The following SEC31A variants were observed in gnomAD, a reference collection of about 807,000 sequenced individuals.
The protein encoded by SEC31A is SEC31 homolog A, COPII component.
A neutral mutation model predicts 151.0 loss-of-function variants in SEC31A; 70 were observed. The observed-to-expected ratio is 0.46, with a 90% CI of 0.38 to 0.57. The LOEUF is 0.57. Among genes scored for constraint, SEC31A ranks in the 20% least tolerant of loss-of-function variants. SEC31A has a pLI of 0.00. For missense variants in SEC31A, 1,330 were observed against 1,471.2 expected (o/e 0.90, Z 1.57); for synonymous variants, 475 against 505.9 (o/e 0.94, Z 0.82).
rs138120291 is a variant in SEC31A at position 82,837,158 on chromosome 4, CATATATAT to C, written c.2968+4974_2968+4981del. ...CAAACATGGTTAAAATAAATTTTAT[CATATATAT>C]ATATATATATATATATATATATATA... On this transcript the variant is annotated intron_variant, in intron 22 of 26. Transcript: ENST00000395310. 7.7e-4 allele frequency among the ~76,000 whole-genome samples: 33 copies of C among 42,674 alleles called. 1 individual carries two copies. Among genetic ancestry groups the C allele is most frequent in the East Asian group, 4.3e-3 (6 of 1,410 alleles). The allele number at this position is 42,674 out of a possible 152,430, so 28.0% of individuals were successfully genotyped here.
intron 1 of SEC31A, among the ~76,000 whole-genome samples, chr4:82,889,790 A>G (rs1253462605): frequency 6.6e-6 from 1 of 152,206 alleles, no homozygotes; most frequent in Non-Finnish European, 1.5e-5. Context: ...TTTCACAAAT[A>G]ACCGCGGACG....
At chr4:82,840,669 C>A (rs969427891) in intron 22 of SEC31A, among the ~76,000 whole-genome samples, 4 of 152,144 alleles carry the variant, frequency 2.6e-5, no homozygotes, top group African/African-American at 7.2e-5. Context: ...TATAGCCCAC[C>A]ACACACCTAG....
intron 19 of SEC31A, among the ~76,000 whole-genome samples, chr4:82,849,613 C>CAAAAAAA (rs5859835): frequency 9.1e-6 from 1 of 109,704 alleles, no homozygotes; most frequent in African/African-American, 3.7e-5. Flanking sequence ...GAATCCGTCT[C>CAAAAAAA]AAAAAAAAAA....
chr4:82,845,138 A>G (rs1729773913), intron 20 of SEC31A: 1 of 1,090,054 alleles, frequency 9.2e-7, no homozygotes, highest in Non-Finnish European at 1.3e-6. Context: ...GTAAGTAGAG[A>G]ACATATAACT....
intron 23 of SEC31A, among the ~76,000 whole-genome samples, chr4:82,828,159 C>T (rs1311457684): frequency 3.3e-5 from 5 of 152,062 alleles, no homozygotes; most frequent in South Asian, 2.1e-4. Context: ...GTGATCTGCC[C>T]GCCTCAGTCT....
intron 25 of SEC31A, among the ~76,000 whole-genome samples, chr4:82,823,013 A>G (rs987787444): frequency 6.6e-6 from 1 of 152,136 alleles, no homozygotes; most frequent in Non-Finnish European, 1.5e-5. Flanking sequence ...TCTAGCTACA[A>G]ACAGGAGCCC....
intron 20 of SEC31A, among the ~76,000 whole-genome samples, chr4:82,846,366 C>CATCATCATCATA (rs1553928443): frequency 5.0e-5 from 7 of 140,546 alleles, no homozygotes; most frequent in Admixed American, 1.4e-4. Context: ...AACTCCAAAA[C>CATCATCATCATA]ATAATAATAA....
Position 82,851,583 on chromosome 4 carries a change from T to G in SEC31A, c.2176A>C (p.Ile726Leu). Residue 726 changes from isoleucine (I) to leucine (L), a missense_variant, in exon 19 of 27, where the codon ATC (isoleucine) becomes CTC (leucine). By Grantham distance (5) the Ile-to-Leu change is conservative (BLOSUM62 2). Coordinates refer to ENST00000395310, the MANE Select transcript of SEC31A (RefSeq NM_001077207.4). ...SLQDLIEKVV[I>L]LRKAVQLTQA... ...GTGAGTTGCACAGCTTTTCGCAGGA[T>G]GACAACTTTCTCAATCAGATCCTAA... The G allele has an allele frequency of 6.2e-7, 1 of 1,610,804 alleles. No homozygotes were observed. The highest frequency in any genetic ancestry group is 8.5e-7 in the Non-Finnish European group (1 of 1,178,106).
intron 21 of SEC31A, chr4:82,844,147 G>C (rs1201475665): frequency 2.5e-6 from 1 of 398,510 alleles, no homozygotes; most frequent in East Asian, 3.6e-5. Context: ...ACAAGTCTTA[G>C]TAATGGCTGA....
intron 3 of SEC31A, among the ~76,000 whole-genome samples, chr4:82,897,292 G>A (rs1351218937): frequency 6.6e-6 from 1 of 152,098 alleles, no homozygotes; most frequent in Non-Finnish European, 1.5e-5. Flanking sequence ...TGAGATTCTA[G>A]AAGTAGAAAT....
At position 82,844,428 on chromosome 4, in the gene SEC31A, C is replaced by T. The variant is rs537424949; in HGVS notation, c.2584G>A (p.Gly862Ser). 6.2e-7 allele frequency: 1 copy of T among 1,614,124 alleles called. No individual in the cohort carries two copies. The highest frequency in any genetic ancestry group is 2.2e-5 in the East Asian group (1 of 44,886). The change falls in exon 21 of 27, where the codon GGT (glycine) becomes AGT (serine). Residue 862 changes from glycine to serine, a missense_variant. Gly to Ser is a moderately conservative substitution (Grantham distance 56). Transcript: ENST00000395310. ...NAAGQLPTSPGHMHTQVPPYP... is the reference protein window; with the variant it reads ...NAAGQLPTSPSHMHTQVPPYP... ...GGTGGTACCTGGGTGTGCATATGAC[C>T]TGGAGATGTGGGAAGCTGACCAGCA... is the stretch of plus-strand genomic sequence containing the variant.
chr4:82,825,566 T>A (rs914540657), intron 24 of SEC31A, among the ~76,000 whole-genome samples: 2 of 152,136 alleles, frequency 1.3e-5, no homozygotes, highest in Non-Finnish European at 2.9e-5. Flanking sequence ...AAAGGAAGGA[T>A]CACGGTAAAA....
chr4:82,890,652 C>CTTTAA, intron 1 of SEC31A: 1 of 759,002 alleles, frequency 1.3e-6, no homozygotes, highest in South Asian at 5.4e-5. Flanking sequence ...ACCTATGAAC[C>CTTTAA]TTTAAATCTG....
chr4:82,896,334 T>G (rs553645241), intron 3 of SEC31A, among the ~76,000 whole-genome samples: 3 of 152,226 alleles, frequency 2.0e-5, no homozygotes, highest in Admixed American at 1.3e-4. Context: ...TCTCCTGCCT[T>G]GGCCTCCCAA....
At chr4:82,856,525 C>T (rs1009160780) in intron 16 of SEC31A, among the ~76,000 whole-genome samples, 8 of 151,474 alleles carry the variant, frequency 5.3e-5, no homozygotes, top group Admixed American at 1.3e-4. Flanking sequence ...CCGAGGTGGG[C>T]GGATGACCTG....
intron 22 of SEC31A, among the ~76,000 whole-genome samples, chr4:82,834,711 C>A (rs1726801644): frequency 6.6e-6 from 1 of 152,126 alleles, no homozygotes; most frequent in African/African-American, 2.4e-5. Flanking sequence ...TTTAGCAGAA[C>A]CCCAACAGTC....
At chr4:82,892,215 C>T (rs1719840316), upstream of SEC31A, among the ~76,000 whole-genome samples, 1 of 152,230 alleles carries the variant, frequency 6.6e-6, no homozygotes, top group East Asian at 1.9e-4. Flanking sequence ...CATTTTCTTT[C>T]AACGCAGTAA....
intron 22 of SEC31A, chr4:82,831,402 G>A (rs1038440541): frequency 6.5e-6 from 1 of 153,194 alleles, no homozygotes; most frequent in Non-Finnish European, 1.5e-5. Flanking sequence ...ATTGTTCAAA[G>A]CTGTGAATCC....
chr4:82,825,872 A>C (rs903088411), intron 24 of SEC31A, among the ~76,000 whole-genome samples: 1 of 152,202 alleles, frequency 6.6e-6, no homozygotes, highest in Non-Finnish European at 1.5e-5. Context: ...AGACTTGGGG[A>C]GATTTAAAAG....
Sources: gnomAD v4.1 joint callset for allele counts (sites outside exome capture counted in the v4.1 genomes callset) on GRCh38, gnomAD v4.1.1 for gene constraint, MANE v1.5 for transcripts, NCBI Gene and HGNC (gene_info 2026-07-23, HGNC 2026-07-21) for gene names.